MMS19: variants seen among roughly 807,000 people sequenced by gnomAD.
The protein encoded by MMS19 is MMS19 nucleotide excision repair protein homolog.
In MMS19, 77 loss-of-function variants were observed where a neutral mutation model predicts 129.8. The ratio of observed to expected loss-of-function variants is 0.59; its 90% CI spans 0.49 to 0.72. The LOEUF is 0.72. Among genes scored for constraint, MMS19 ranks in the 30% least tolerant of loss-of-function variants. The pLI is 0.00. For synonymous variants in MMS19, 491 were observed against 502.8 expected (o/e 0.98, Z 0.31); for missense variants, 1,168 against 1,266.3 (o/e 0.92, Z 1.18).
intron 23 of MMS19, 65 bp downstream of exon 23, chr10:97,461,431 C>G: frequency 6.4e-7 from 1 of 1,559,108 alleles, no homozygotes; most frequent in African/African-American, 1.4e-5. Context: ...AGAATGAGTA[C>G]TGAGCTATAA....
upstream of MMS19, chr10:97,498,482 G>A (rs975878340): frequency 6.7e-7 from 1 of 1,503,282 alleles, no homozygotes; most frequent in Non-Finnish European, 8.9e-7. Flanking sequence ...GAAGCGCAAG[G>A]GGGCGGGGCG....
chr10:97,487,539 T>A (rs894543007), intron 1 of MMS19, among the ~76,000 whole-genome samples: 10 of 152,086 alleles, frequency 6.6e-5, no homozygotes, highest in Non-Finnish European at 1.0e-4. Flanking sequence ...CAGGATGGTC[T>A]CGATCTCCTG....
At chr10:97,492,957 G>A (rs1468842698) in intron 1 of MMS19, among the ~76,000 whole-genome samples, 2 of 151,984 alleles carry the variant, frequency 1.3e-5, no homozygotes, top group Non-Finnish European at 2.9e-5. Context: ...TAGAAATATG[G>A]GCAGGGAGTT....
intron 5 of MMS19, 65 bp from the exon 6 acceptor site, chr10:97,477,481 T>A: frequency 1.2e-6 from 2 of 1,608,726 alleles, no homozygotes; most frequent in Non-Finnish European, 1.7e-6. Flanking sequence ...ACACAGCTAG[T>A]TCCTGCTTCA....
chr10:97,489,083 C>T (rs1179255560), intron 1 of MMS19, among the ~76,000 whole-genome samples: 1 of 152,052 alleles, frequency 6.6e-6, no homozygotes, highest in African/African-American at 2.4e-5. Flanking sequence ...TCAAGTGATC[C>T]GCCTGCCTTG....
rs982367255 is a variant in MMS19 at position 97,487,238 on chromosome 10, T to C, written c.113-3087A>G. On this transcript the variant is annotated intron_variant, in intron 1 of 30. Transcript: ENST00000438925. ...TTCAATAGTGTTAGAATGATTGTCC[T>C]GGAACCAATTTGGAAAACAAACAAA... Among the ~76,000 whole-genome samples, 8 of 151,810 alleles carry C rather than the reference T, an allele frequency of 5.3e-5. 1 individual carries two copies. The highest frequency in any genetic ancestry group is 1.9e-4 in the African/African-American group (8 of 41,376).
intron 2 of MMS19, among the ~76,000 whole-genome samples, chr10:97,483,140 C>T (rs2037182312): frequency 6.6e-6 from 1 of 152,058 alleles, no homozygotes; most frequent in Non-Finnish European, 1.5e-5. Context: ...ACAACCTCCA[C>T]CTCCCAGACT....
In MMS19 at chr10:97,460,757, A is replaced by G. The variant is rs1391122598; in HGVS notation, c.2413-6T>C. On this transcript the variant is annotated splice_polypyrimidine_tract_variant and splice_region_variant and intron_variant, in intron 24 of 30. Coordinates refer to ENST00000438925, the MANE Select transcript of MMS19 (RefSeq NM_022362.5). Reference sequence around the variant, plus strand: ...AGCACTAGGGCCTTTGTTACCTGTAATTGGAGACAGAGAGAGCAATTGGGG... The same window carrying G: ...AGCACTAGGGCCTTTGTTACCTGTAGTTGGAGACAGAGAGAGCAATTGGGG... 1 of 1,594,520 alleles carries G rather than the reference A, an allele frequency of 6.3e-7. No individual in the cohort carries two copies. Among genetic ancestry groups the G allele is most frequent in the Admixed American group, 1.8e-5 (1 of 57,060 alleles).
At chr10:97,462,341 C>T (rs752850513) in intron 20 of MMS19, among the ~76,000 whole-genome samples, 12 of 152,206 alleles carry the variant, frequency 7.9e-5, no homozygotes, top group Non-Finnish European at 1.6e-4. Context: ...TTTTAAAATG[C>T]TCTACAGGTA....
upstream of MMS19, chr10:97,498,513 G>C: frequency 7.2e-7 from 1 of 1,386,000 alleles, no homozygotes; most frequent in Non-Finnish European, 9.7e-7. Context: ...GTGCCTGCCG[G>C]CTTCTGCCTA....
chr10:97,462,587 G>C lies in MMS19; in HGVS notation c.2008C>G (p.Pro670Ala), dbSNP rs759116491. Reference sequence around the variant, plus strand: ...CACATCCATGATTATACTTACTCAGGGCTCAGGTGGGTTGTAGCAGTGCCA... The same window carrying C: ...CACATCCATGATTATACTTACTCAGCGCTCAGGTGGGTTGTAGCAGTGCCA... The part of the protein sequence containing the change: ...VIGTATTHLS[P>A]ELAAQSVTHI... Residue 670 changes from proline (P) to alanine (A), a missense_variant, in exon 20 of 31, where the codon CCT becomes GCT. Physicochemically the swap from Pro to Ala is conservative, Grantham distance 27. Transcript: ENST00000438925. The C allele has an allele frequency of 6.2e-7, 1 of 1,612,394 alleles. No individual in the cohort carries two copies. Among genetic ancestry groups the C allele is most frequent in the South Asian group, 1.1e-5 (1 of 91,028 alleles).
intron 19 of MMS19, among the ~76,000 whole-genome samples, chr10:97,463,163 GTTTTTTTTT>G (rs11369236): frequency 6.2e-5 from 8 of 129,242 alleles, no homozygotes; most frequent in Non-Finnish European, 1.3e-4. Flanking sequence ...CTGTGAAACA[GTTTTTTTTT>G]TTTTTTTTTT....
At chr10:97,459,624 G>T in intron 27 of MMS19, 35 bp downstream of exon 27, 1 of 1,600,260 alleles carries the variant, frequency 6.2e-7, no homozygotes, top group Non-Finnish European at 8.5e-7. Flanking sequence ...GAATAGCTTT[G>T]TCCTTTGCTT....
At position 97,459,364 on chromosome 10, in the gene MMS19, T is replaced by C; in HGVS notation, c.2902A>G (p.Met968Val). The change falls in exon 28 of 31, where the codon ATG (methionine) becomes GTG (valine). Residue 968 changes from methionine to valine, a missense_variant and splice_region_variant. Met to Val is a conservative substitution (Grantham distance 21, BLOSUM62 1). Coordinates refer to ENST00000438925, the MANE Select transcript of MMS19 (RefSeq NM_022362.5). Reference protein sequence around the residue: ...KFLNLSSSPSMAVRIAALQCM... With the variant: ...KFLNLSSSPSVAVRIAALQCM... Reference sequence around the variant, plus strand: ...AGAGTTGCTGGGGCTCAACGCACCATGGAAGGGCTAGAGCTGAGGTTCAGA... The same window carrying C: ...AGAGTTGCTGGGGCTCAACGCACCACGGAAGGGCTAGAGCTGAGGTTCAGA... 6 of 1,606,682 alleles carry C rather than the reference T, an allele frequency of 3.7e-6. No homozygotes were observed. The highest frequency in any genetic ancestry group is 5.1e-6 in the Non-Finnish European group (6 of 1,176,548).
chr10:97,459,932 G>T, intron 26 of MMS19, 114 bp downstream of exon 26: 1 of 1,193,002 alleles, frequency 8.4e-7, no homozygotes, highest in Admixed American at 2.2e-5. Context: ...AGTCTTCTAG[G>T]CACAGACCAC....
At chr10:97,472,630 G>A (rs2034963616) in intron 8 of MMS19, among the ~76,000 whole-genome samples, 1 of 151,056 alleles carries the variant, frequency 6.6e-6, no homozygotes, top group Non-Finnish European at 1.5e-5. Context: ...GTTTTTTGGT[G>A]ACTGAGTCTG....
rs963954991 is a variant in MMS19, at chr10:97,460,893, C to T, written c.2412+14G>A. On this transcript the variant is annotated intron_variant, in intron 24 of 30. Coordinates refer to ENST00000438925, the MANE Select transcript of MMS19 (RefSeq NM_022362.5). ...TGCCTCTCTGGCTAACCAGACTCCA[C>T]TCCAACTCCTTACCCAGAGAAGAAG... is the stretch of plus-strand genomic sequence containing the variant. 5 of 1,567,506 alleles carry T rather than the reference C, an allele frequency of 3.2e-6. No individual in the cohort carries two copies. In the African/African-American group the frequency reaches 6.8e-5, roughly 21 times the overall value.
At chr10:97,462,774 G>T in intron 19 of MMS19, 92 bp from the exon 20 acceptor site, 2 of 986,264 alleles carry the variant, frequency 2.0e-6, no homozygotes, top group Non-Finnish European at 3.2e-6. Flanking sequence ...TGACTCTGGG[G>T]CTTGACTCTA....
At chr10:97,491,791 C>T (rs927415771) in intron 1 of MMS19, among the ~76,000 whole-genome samples, 4 of 152,188 alleles carry the variant, frequency 2.6e-5, no homozygotes, top group African/African-American at 9.6e-5. Context: ...TGGCAAAGCC[C>T]TTTAGTCTTC....
Sources: allele counts gnomAD v4.1 joint callset (sites outside exome capture counted in the v4.1 genomes callset), GRCh38; gene constraint gnomAD v4.1.1; transcripts MANE v1.5; gene names NCBI Gene and HGNC (gene_info 2026-07-23, HGNC 2026-07-21).